Variants in CCDC88C observed in about 807,000 individuals in gnomAD.
The protein encoded by CCDC88C is coiled-coil and HOOK domain protein 88C.
Under a neutral mutation model 198.8 loss-of-function variants are expected in CCDC88C, and 131 were observed. The observed-to-expected ratio is 0.66, with a 90% CI of 0.57 to 0.76. The LOEUF (loss-of-function observed/expected upper bound fraction) is 0.76. Among genes scored for constraint, CCDC88C ranks in the 30% least tolerant of loss-of-function variants. The probability of loss-of-function intolerance (pLI) is 0.00; values close to 1 mark genes in which losing one functional copy is unlikely to be tolerated. For missense variants in CCDC88C, 2,553 were observed against 2,631.6 expected (o/e 0.97, Z 0.65); for synonymous variants, 1,166 against 1,114.7 (o/e 1.05, Z -0.92).
At chr14:91,416,210 T>C (rs536034406) in intron 2 of CCDC88C, among the ~76,000 whole-genome samples, 3 of 152,292 alleles carry the variant, frequency 2.0e-5, no homozygotes, top group Admixed American at 6.5e-5. Context: ...CCTAACACTG[T>C]GACTTTAAAC....
intron 3 of CCDC88C, among the ~76,000 whole-genome samples, chr14:91,405,156 C>A (rs978079750): frequency 1.3e-5 from 2 of 152,002 alleles, no homozygotes; most frequent in African/African-American, 4.8e-5. Context: ...CCTTTGCCTC[C>A]CCAGGTTCTC....
At chr14:91,411,825 T>C (rs532488655) in intron 2 of CCDC88C, among the ~76,000 whole-genome samples, 1 of 152,052 alleles carries the variant, frequency 6.6e-6, no homozygotes, top group African/African-American at 2.4e-5. Context: ...TAGCCAGACA[T>C]GGTGGCATGC....
chr14:91,339,438 G>A lies in CCDC88C; in HGVS notation c.649C>T (p.Arg217Trp), dbSNP rs778779360. ...TELIVDLTQE[R>W]DYLQAQHPPS... The stretch of plus-strand genomic sequence containing the variant: ...GGATGCTGTGCCTGCAGGTAGTCCC[G>A]TTCCTGAGTGAGGTCCACGATCAGC... The change falls in exon 8 of 30, where the codon CGG becomes TGG. Residue 217 changes from arginine (R) to tryptophan (W), a missense_variant. Around this residue, in one of 2 missense-constraint regions of CCDC88C, gnomAD observed 1,260 missense variants for 1,412.0 expected, o/e 0.89. Coordinates refer to ENST00000389857, the MANE Select transcript of CCDC88C (RefSeq NM_001080414.4). This position sits in a 1 kb window ranked among gnomAD's most constrained non-coding sequence, Gnocchi z 5.8. 5.4e-5 allele frequency: 86 copies of A among 1,606,954 alleles called. No homozygotes were observed. Among genetic ancestry groups the A allele is most frequent in the Non-Finnish European group, 7.1e-5 (83 of 1,174,336 alleles).
At chr14:91,417,582 G>A (rs1235310632) in intron 1 of CCDC88C, 49 bp downstream of exon 1, 1 of 1,536,162 alleles carries the variant, frequency 6.5e-7, no homozygotes, top group Admixed American at 1.8e-5. Flanking sequence ...CGCCGGGCTA[G>A]AGAGAAGCCG....
At position 91,318,917 on chromosome 14, in the gene CCDC88C, C is replaced by CAAAAA. The variant is rs61183857; in HGVS notation, c.1527+2198_1527+2202dup. 7.7e-3 allele frequency among the ~76,000 whole-genome samples: 814 copies of CAAAAA among 105,178 alleles called. 34 individuals are homozygous for CAAAAA. The highest frequency in any genetic ancestry group is 0.015 in the South Asian group (46 of 3,068). 69.0% of individuals were successfully genotyped at this position (105,178 alleles called of 152,430 possible). A position where few individuals can be genotyped will look rare whatever the true frequency, so the allele number is the denominator to read the frequency against. On this transcript the variant is annotated intron_variant, in intron 13 of 29. Coordinates refer to ENST00000389857, the MANE Select transcript of CCDC88C (RefSeq NM_001080414.4). Reference sequence around the variant, plus strand: ...CTGGACAACAGAGCGAGACTCCGTCCAAAAAAAAAAAAAAAAAAAAAGAAC... The same window carrying CAAAAA: ...CTGGACAACAGAGCGAGACTCCGTCCAAAAAAAAAAAAAAAAAAAAAAAAAAGAAC...
Position 91,339,627 on chromosome 14 carries a change from T to C in CCDC88C, c.625-165A>G, listed in dbSNP as rs1394238892. On this transcript the variant is annotated intron_variant, in intron 7 of 29. Coordinates refer to ENST00000389857, the MANE Select transcript of CCDC88C (RefSeq NM_001080414.4). The surrounding 1 kb of genome is among the most constrained non-coding windows in gnomAD (Gnocchi z 5.8). ...GGCTGGCATGGGTTTTGAAAAGAGG[T>C]GAAATATTTAGTGAAACAAAAGGGA... Among the ~76,000 whole-genome samples the C allele has an allele frequency of 1.3e-5, 2 of 151,292 alleles. No individual in the cohort carries two copies. Among genetic ancestry groups the C allele is most frequent in the South Asian group, 2.1e-4 (1 of 4,776 alleles).
rs776137082 is a variant in CCDC88C, at chr14:91,283,352, G to T, written c.4607C>A (p.Ala1536Asp). The T allele has an allele frequency of 5.6e-6, 9 of 1,613,612 alleles. No individual in the cohort carries two copies. In the Admixed American group the frequency reaches 1.5e-4, roughly 27 times the overall value. ...TTAPSNSTPI[A>D]RHPGRTKGYN... ...ACCTTTGGTGCGGCCTGGGTGCCGG[G>T]CGATGGGGGTGGAGTTGGAAGGGGC... Residue 1536 changes from alanine (A) to aspartate (D), a missense_variant, in exon 26 of 30, where the codon GCC (alanine) becomes GAC (aspartate). Physicochemically the swap from Ala to Asp is moderately radical, Grantham distance 126. Transcript: ENST00000389857.
At chr14:91,335,527 CA>C (rs1332355099) in intron 10 of CCDC88C, among the ~76,000 whole-genome samples, 1 of 152,130 alleles carries the variant, frequency 6.6e-6, no homozygotes, top group African/African-American at 2.4e-5. Flanking sequence ...ACAGCACCCC[CA>C]CCCCCTGGCC....
At chr14:91,343,303 C>T (rs998232807) in intron 5 of CCDC88C, among the ~76,000 whole-genome samples, 1 of 152,172 alleles carries the variant, frequency 6.6e-6, no homozygotes, top group African/African-American at 2.4e-5. Context: ...CAGATCTGGC[C>T]CACAAGCTGT....
intron 23 of CCDC88C, among the ~76,000 whole-genome samples, chr14:91,293,561 TGC>T (rs1567055898): frequency 9.4e-5 from 7 of 74,790 alleles, no homozygotes; most frequent in South Asian, 6.2e-4. Context: ...TCCCCTCGCC[TGC>T]CACGGCCCAC....
intron 5 of CCDC88C, 100 bp from the exon 6 acceptor site, chr14:91,342,563 C>T (rs1039176994): frequency 5.2e-6 from 4 of 769,378 alleles, no homozygotes; most frequent in African/African-American, 1.7e-5. Flanking sequence ...GAACCACCCA[C>T]CCCGGGCTTC....
At chr14:91,415,846 G>A (rs1887019457) in intron 2 of CCDC88C, among the ~76,000 whole-genome samples, 1 of 152,068 alleles carries the variant, frequency 6.6e-6, no homozygotes, top group Admixed American at 6.5e-5. Flanking sequence ...AGCCACAAAC[G>A]AAGCTGATCT....
In CCDC88C at chr14:91,273,059, G is replaced by A. The variant is rs374701363; in HGVS notation, c.5653C>T (p.Arg1885Cys). The A allele has an allele frequency of 2.9e-5, 45 of 1,557,656 alleles. No homozygotes were observed. In the African/African-American group the frequency reaches 3.9e-4, roughly 14 times the overall value. The change falls in exon 30 of 30, where the codon CGC (arginine) becomes TGC (cysteine). Residue 1885 changes from arginine to cysteine, a missense_variant. Arg to Cys is a radical substitution (Grantham distance 180). Around this residue, in one of 2 missense-constraint regions of CCDC88C, gnomAD observed 1,293 missense variants for 1,219.6 expected, o/e 1.06. Transcript: ENST00000389857. This position sits in a 1 kb window ranked among gnomAD's most constrained non-coding sequence, Gnocchi z 5.6. ...GPRSRPLDTR[R>C]FSLAPPKEER... The stretch of plus-strand genomic sequence containing the variant: ...TCCTTTGGGGGAGCCAGGGAGAAGC[G>A]CCTCGTGTCCAGCGGCCGGCTGCGG...
At position 91,273,630 on chromosome 14, in the gene CCDC88C, G is replaced by C; in HGVS notation, c.5082C>G (p.Asp1694Glu). ...CCTTTCGGAAGTAGTCACTCAGCAG[G>C]TCATCCCGGCAACTGGGAGTGTCCT... ...PTHDTPSCRD[D>E]LLSDYFRKAS... The change falls in exon 30 of 30, where the codon GAC (aspartate) becomes GAG (glutamate). Residue 1694 changes from aspartate to glutamate, a missense_variant. Physicochemically the swap from Asp to Glu is conservative, Grantham distance 45. This residue lies in a region of CCDC88C where 1,293 missense variants were observed against 1,219.6 expected (regional missense o/e 1.06). Coordinates refer to ENST00000389857, the MANE Select transcript of CCDC88C (RefSeq NM_001080414.4). This position sits in a 1 kb window ranked among gnomAD's most constrained non-coding sequence, Gnocchi z 5.6. 6.7e-7 allele frequency: 1 copy of C among 1,484,162 alleles called. No homozygotes were observed. Among genetic ancestry groups the C allele is most frequent in the Non-Finnish European group, 9.0e-7 (1 of 1,116,264 alleles). The allele number at this position is 1,484,162 out of a possible 1,614,324, so 91.9% of individuals were successfully genotyped here. A position where few individuals can be genotyped will look rare whatever the true frequency, so the allele number is the denominator to read the frequency against.
intron 10 of CCDC88C, among the ~76,000 whole-genome samples, chr14:91,330,604 A>C (rs1892783301): frequency 6.6e-6 from 1 of 152,126 alleles, no homozygotes; most frequent in South Asian, 2.1e-4. Context: ...TACAAACAGG[A>C]GGGGCACCTG....
intron 4 of CCDC88C, among the ~76,000 whole-genome samples, chr14:91,354,470 C>T (rs537939359): frequency 3.3e-5 from 5 of 152,126 alleles, no homozygotes; most frequent in African/African-American, 7.2e-5. Flanking sequence ...CCAGTAACCG[C>T]GAAAGATATT....
intron 23 of CCDC88C, among the ~76,000 whole-genome samples, 182 bp from the exon 24 acceptor site, chr14:91,291,266 T>C (rs1890646362): frequency 6.6e-6 from 1 of 152,184 alleles, no homozygotes. Context: ...GCATGCGCCG[T>C]GGGTTCAGGG....
chr14:91,374,158 T>C (rs190708343), intron 3 of CCDC88C, among the ~76,000 whole-genome samples: 1 of 152,212 alleles, frequency 6.6e-6, no homozygotes, highest in Non-Finnish European at 1.5e-5. Flanking sequence ...AGAGGCTTTT[T>C]GGGACCTCCA....
rs772620056 is a variant in CCDC88C, at chr14:91,339,874, G to C, written c.624+10C>G. ...CCCAGGCTGACCGGGCCACCGACCC[G>C]CGGACGCACCTCGGTGCACTCGTCC... is the stretch of plus-strand genomic sequence containing the variant. On this transcript the variant is annotated intron_variant, in intron 7 of 29. Coordinates refer to ENST00000389857, the MANE Select transcript of CCDC88C (RefSeq NM_001080414.4). The surrounding 1 kb of genome is among the most constrained non-coding windows in gnomAD (Gnocchi z 5.8). The C allele has an allele frequency of 6.3e-7, 1 of 1,575,800 alleles. No homozygotes were observed. Among genetic ancestry groups the C allele is most frequent in the South Asian group, 1.2e-5 (1 of 86,112 alleles).
Sources: allele counts gnomAD v4.1 joint callset (sites outside exome capture counted in the v4.1 genomes callset), GRCh38; gene constraint gnomAD v4.1.1; regional missense constraint gnomAD v4.1.1; non-coding constraint Gnocchi (gnomAD v3.1); transcripts MANE v1.5; gene names NCBI Gene and HGNC (gene_info 2026-07-23, HGNC 2026-07-21).